Variants in UPF2 observed in about 807,000 individuals in gnomAD.
The protein encoded by UPF2 is regulator of nonsense transcripts 2.
In UPF2, 17 loss-of-function variants were observed where a neutral mutation model predicts 141.4. The observed-to-expected ratio is 0.12, with a 90% CI of 0.08 to 0.18. The LOEUF (loss-of-function observed/expected upper bound fraction) is 0.18. Ranked by LOEUF, UPF2 falls within the 10% of genes least tolerant of loss-of-function variation. UPF2 has a pLI of 1.00. For synonymous variants in UPF2, 540 were observed against 498.0 expected, an observed-to-expected ratio of 1.08 and a Z score of -1.12; for missense variants, 1,152 against 1,515.9, an observed-to-expected ratio of 0.76 and a Z score of 3.99.
chr10:11,924,231 GA>G (rs1209199284), intron 21 of UPF2, among the ~76,000 whole-genome samples: 1 of 152,168 alleles, frequency 6.6e-6, no homozygotes, highest in Non-Finnish European at 1.5e-5. Flanking sequence ...CTCCTGGTTA[GA>G]AAATATACAA....
intron 2 of UPF2, among the ~76,000 whole-genome samples, chr10:12,034,659 G>C (rs923747021): frequency 3.8e-4 from 58 of 152,090 alleles, no homozygotes; most frequent in African/African-American, 1.3e-3. Flanking sequence ...ACAAAAATTA[G>C]CTGGGCATGA....
chr10:11,954,491 G>A (rs1053440726), intron 14 of UPF2, among the ~76,000 whole-genome samples: 12 of 151,548 alleles, frequency 7.9e-5, no homozygotes, highest in Admixed American at 1.3e-4. Flanking sequence ...AAAATTAGCC[G>A]GGTGTGGTGG....
intron 4 of UPF2, among the ~76,000 whole-genome samples, chr10:12,011,495 G>A (rs1486180431): frequency 6.6e-6 from 1 of 152,020 alleles, no homozygotes; most frequent in Non-Finnish European, 1.5e-5. Context: ...TTATTGCTTG[G>A]GAGGCTGAGG....
At chr10:11,932,604 G>A (rs1399876319) in intron 19 of UPF2, among the ~76,000 whole-genome samples, 1 of 152,118 alleles carries the variant, frequency 6.6e-6, no homozygotes, top group Admixed American at 6.5e-5. Context: ...GGGAAATGAA[G>A]AGACAAATTT....
chr10:12,020,842 G>A (rs1218058441), intron 3 of UPF2, among the ~76,000 whole-genome samples: 2 of 152,150 alleles, frequency 1.3e-5, no homozygotes, highest in Non-Finnish European at 2.9e-5. Flanking sequence ...CAGAGTCCAC[G>A]CTCTGAAATA....
At chr10:11,993,351 T>G (rs1339328002) in intron 8 of UPF2, among the ~76,000 whole-genome samples, 1 of 152,020 alleles carries the variant, frequency 6.6e-6, no homozygotes, top group Non-Finnish European at 1.5e-5. Context: ...TAGTAGCTAT[T>G]AGGAGAAATG....
rs1832853200 is a variant in UPF2 at position 11,936,534 on chromosome 10, C to A, written c.3546+11G>T. On this transcript the variant is annotated intron_variant, in intron 19 of 21. Coordinates refer to ENST00000357604, the MANE Select transcript of UPF2 (RefSeq NM_015542.4). The surrounding 1 kb of genome is among the most constrained non-coding windows in gnomAD (Gnocchi z 6.6). ...CAATCAGCTATAATTACAGGGCGGG[C>A]AGTTTCTTACCTGCTGTTTATTGCC... The A allele has an allele frequency of 3.8e-6, 6 of 1,588,098 alleles. No individual in the cohort carries two copies. Among genetic ancestry groups the A allele is most frequent in the South Asian group, 3.5e-5 (3 of 86,270 alleles).
intron 1 of UPF2, chr10:12,035,691 C>A: frequency 3.1e-6 from 1 of 326,804 alleles, no homozygotes; most frequent in East Asian, 6.2e-5. Flanking sequence ...CAAGCCCAGA[C>A]AAAAGTAGAG....
In UPF2 at chr10:11,944,209, T is replaced by C. The variant is rs201669308; in HGVS notation, c.3175-1041A>G. On this transcript the variant is annotated intron_variant, in intron 16 of 21. Transcript: ENST00000357604. ...AAAATGAAAACGTTTCAAAAACGTA[T>C]ACCAATGGTCGGCGCCATGGCTCAC... Among the ~76,000 whole-genome samples, 6 of 152,298 alleles carry C rather than the reference T, an allele frequency of 3.9e-5. No homozygotes were observed. The East Asian group carries it at 9.6e-4, about 24-fold the overall frequency.
chr10:12,007,707 T>A (rs966339338), intron 4 of UPF2, among the ~76,000 whole-genome samples: 2 of 151,752 alleles, frequency 1.3e-5, no homozygotes, highest in Non-Finnish European at 2.9e-5. Flanking sequence ...GGCAGGCACC[T>A]GTAGTCCCAG....
intron 19 of UPF2, among the ~76,000 whole-genome samples, chr10:11,934,735 A>ATG (rs1483637360): frequency 3.3e-5 from 5 of 152,094 alleles, no homozygotes; most frequent in African/African-American, 1.2e-4. Context: ...GATTACAGGC[A>ATG]CACGCCACCA....
At chr10:11,960,665 G>A (rs1317212587) in intron 11 of UPF2, among the ~76,000 whole-genome samples, 1 of 152,104 alleles carries the variant, frequency 6.6e-6, no homozygotes, top group Non-Finnish European at 1.5e-5. Flanking sequence ...AAGCTGAGGT[G>A]AAAGGACTGC....
rs187996386 is a variant in UPF2 at position 12,025,879 on chromosome 10, C to T, written c.1145+2866G>A. Among the ~76,000 whole-genome samples the T allele has an allele frequency of 3.5e-3, 533 of 152,268 alleles. 10 individuals are homozygous for T. Among genetic ancestry groups the T allele is most frequent in the Admixed American group, 0.028 (433 of 15,282 alleles). ...GTGCGATCATGGCTTACTGCAGTCT[C>T]GACTTTCCAGGCTCAACTGATCCTC... is the stretch of plus-strand genomic sequence containing the variant. On this transcript the variant is annotated intron_variant, in intron 3 of 21. Transcript: ENST00000357604.
intron 4 of UPF2, among the ~76,000 whole-genome samples, chr10:12,005,000 C>T (rs573975468): frequency 6.6e-6 from 1 of 152,030 alleles, no homozygotes; most frequent in South Asian, 2.1e-4. Flanking sequence ...ATTAAGTAGC[C>T]ATTTGATAAA....
intron 8 of UPF2, among the ~76,000 whole-genome samples, chr10:11,984,008 C>T (rs55773404): frequency 0.014 from 2,174 of 152,128 alleles, 50 homozygotes; most frequent in African/African-American, 0.049. Flanking sequence ...ACCACAACCT[C>T]CACCTCCCGG....
intron 11 of UPF2, among the ~76,000 whole-genome samples, chr10:11,962,846 G>GAC (rs1294852508): frequency 6.6e-6 from 1 of 152,074 alleles, no homozygotes; most frequent in African/African-American, 2.4e-5. Flanking sequence ...CTGCCTTTAA[G>GAC]ACTCAGCTTA....
At chr10:11,977,219 G>A (rs1368091072) in intron 9 of UPF2, among the ~76,000 whole-genome samples, 1 of 152,116 alleles carries the variant, frequency 6.6e-6, no homozygotes. Context: ...GGAGGGCAGG[G>A]GATGCTGAGA....
rs531471310 is a variant in UPF2, at chr10:12,042,316, C to G, written c.-19+439G>C. ...CCCTCGCCACAGAAGCCTTCCCGGCCGGTCTCCCCACTCCGCAGCCTCCCA... is the reference window on the plus strand; with the variant it reads ...CCCTCGCCACAGAAGCCTTCCCGGCGGGTCTCCCCACTCCGCAGCCTCCCA... On this transcript the variant is annotated intron_variant, in intron 1 of 21. Transcript: ENST00000357604. The surrounding 1 kb of genome is among the most constrained non-coding windows in gnomAD (Gnocchi z 5.5). Among the ~76,000 whole-genome samples the G allele has an allele frequency of 6.6e-6, 1 of 152,238 alleles. No homozygotes were observed. The highest frequency in any genetic ancestry group is 2.1e-4 in the South Asian group (1 of 4,824).
intron 8 of UPF2, among the ~76,000 whole-genome samples, chr10:11,986,367 T>C (rs1833692481): frequency 6.6e-6 from 1 of 152,136 alleles, no homozygotes; most frequent in Admixed American, 6.5e-5. Flanking sequence ...TTAATGATTA[T>C]CAAGTCAGTA....
Sources: gnomAD v4.1 joint callset for allele counts (sites outside exome capture counted in the v4.1 genomes callset) on GRCh38, gnomAD v4.1.1 for gene constraint, Gnocchi (gnomAD v3.1) non-coding constraint, MANE v1.5 for transcripts, NCBI Gene and HGNC (gene_info 2026-07-23, HGNC 2026-07-21) for gene names.